Variants in COBLL1 observed in about 807,000 individuals in gnomAD.
The protein encoded by COBLL1 is cordon-bleu WH2 repeat protein like 1, also known as cordon-bleu protein-like 1.
A neutral mutation model predicts 94.8 loss-of-function variants in COBLL1; 50 were observed. The observed-to-expected ratio is 0.53, with a 90% CI of 0.42 to 0.67. The LOEUF (loss-of-function observed/expected upper bound fraction) is 0.67, where lower values mean the gene tolerates loss of function less well. Ranked by LOEUF, COBLL1 falls within the 30% of genes least tolerant of loss-of-function variation. The pLI, the probability that COBLL1 is intolerant of heterozygous loss-of-function variation, is 0.00. For missense variants in COBLL1, 1,362 were observed against 1,348.7 expected, an observed-to-expected ratio of 1.01 and a Z score of -0.15; for synonymous variants, 448 against 473.8, an observed-to-expected ratio of 0.95 and a Z score of 0.71.
At chr2:164,840,249 T>A (rs1215575936) in intron 2 of COBLL1, among the ~76,000 whole-genome samples, 1 of 151,548 alleles carries the variant, frequency 6.6e-6, no homozygotes, top group Non-Finnish European at 1.5e-5. Context: ...GCATTCAGAT[T>A]AACTAAGAAA....
At chr2:164,826,610 A>C (rs997592729) in intron 2 of COBLL1, among the ~76,000 whole-genome samples, 1 of 152,236 alleles carries the variant, frequency 6.6e-6, no homozygotes, top group African/African-American at 2.4e-5. Context: ...GCCTAAAGCC[A>C]GTAAGTGGCA....
At chr2:164,707,396 C>T (rs748277991) in intron 7 of COBLL1, among the ~76,000 whole-genome samples, 12 of 152,166 alleles carry the variant, frequency 7.9e-5, no homozygotes, top group Non-Finnish European at 1.3e-4. Flanking sequence ...CTGCCTTGGC[C>T]TCCCAAAGTG....
intron 2 of COBLL1, among the ~76,000 whole-genome samples, chr2:164,777,429 G>C (rs355885): frequency 6.6e-6 from 1 of 151,452 alleles, no homozygotes; most frequent in African/African-American, 2.4e-5. Context: ...TTTTCTTTGC[G>C]TACCTTCCTA....
Position 164,695,041 on chromosome 2 carries a change from G to A in COBLL1, c.2351C>T (p.Ala784Val). 6.2e-7 allele frequency: 1 copy of A among 1,613,848 alleles called. No homozygotes were observed. Among genetic ancestry groups the A allele is most frequent in the Non-Finnish European group, 8.5e-7 (1 of 1,179,940 alleles). ...TGGCTCTTCTGGGCTTTCAGAAATA[G>A]CAGAATCTTCTGTTTGGATGGCAGT... is the stretch of plus-strand genomic sequence containing the variant. ...KETAIQTEDS[A>V]ISESPEEPLP... Residue 784 changes from alanine to valine, a missense_variant, in exon 12 of 14, where the codon GCT (alanine) becomes GTT (valine). Ala to Val is a moderately conservative substitution (Grantham distance 64). Transcript: ENST00000652658.
chr2:164,756,265 A>G (rs1465807084), intron 2 of COBLL1, among the ~76,000 whole-genome samples: 2 of 152,042 alleles, frequency 1.3e-5, no homozygotes, highest in Non-Finnish European at 2.9e-5. Context: ...AAAACATATG[A>G]CTCCTAAAAA....
intron 2 of COBLL1, among the ~76,000 whole-genome samples, chr2:164,839,315 G>A (rs991289634): frequency 5.3e-5 from 8 of 152,150 alleles, no homozygotes; most frequent in African/African-American, 1.9e-4. Flanking sequence ...AAAAGTGGCT[G>A]GGCGCACTGG....
intron 3 of COBLL1, among the ~76,000 whole-genome samples, chr2:164,739,347 A>AGTGGTAT (rs1686478504): frequency 6.6e-6 from 1 of 152,152 alleles, no homozygotes; most frequent in South Asian, 2.1e-4. Context: ...TGAAGATACC[A>AGTGGTAT]CTGTGCACTC....
chr2:164,699,470 C>G lies in COBLL1; in HGVS notation c.1490G>C (p.Ser497Thr). Residue 497 changes from serine (S) to threonine (T), a missense_variant, in exon 11 of 14, where the codon AGC becomes ACC. Physicochemically the swap from Ser to Thr is moderately conservative, Grantham distance 58. Transcript: ENST00000652658. ...QEPHSVVYDT[S>T]NGKKVVDSIR... is the part of the protein sequence containing the mutation. ...ACTGTCAACTACCTTCTTTCCATTGCTTGTATCATATACTACACTGTGTGG... is the reference window on the plus strand; with the variant it reads ...ACTGTCAACTACCTTCTTTCCATTGGTTGTATCATATACTACACTGTGTGG... 1 of 1,611,886 alleles carries G rather than the reference C, an allele frequency of 6.2e-7. No individual in the cohort carries two copies.
chr2:164,778,899 G>A (rs1688601101), intron 2 of COBLL1, among the ~76,000 whole-genome samples: 1 of 152,090 alleles, frequency 6.6e-6, no homozygotes, highest in African/African-American at 2.4e-5. Context: ...GTTAACAAAA[G>A]GGGAGGGGGA....
chr2:164,723,262 G>A (rs1685545726), intron 5 of COBLL1: 1 of 152,112 alleles, frequency 6.6e-6, no homozygotes, highest in African/African-American at 2.4e-5. Flanking sequence ...TTAGTTAGAA[G>A]GGCAAATGTC....
intron 1 of COBLL1, among the ~76,000 whole-genome samples, chr2:164,673,443 G>A (rs1463028010): frequency 6.6e-6 from 1 of 152,194 alleles, no homozygotes; most frequent in Non-Finnish European, 1.5e-5. Flanking sequence ...GGGAGGCTGA[G>A]GCAGGCACAT....
chr2:164,743,599 A>C, intron 3 of COBLL1, 88 bp downstream of exon 3: 1 of 1,073,910 alleles, frequency 9.3e-7, no homozygotes, highest in Non-Finnish European at 1.4e-6. Context: ...TGTTTTGTCA[A>C]AGAACAAACA....
intron 2 of COBLL1, among the ~76,000 whole-genome samples, chr2:164,661,843 C>G (rs1483590715): frequency 6.6e-6 from 1 of 152,058 alleles, no homozygotes; most frequent in Admixed American, 6.6e-5. Context: ...TTGTGTTTTT[C>G]AACAAATAAG....
chr2:164,706,334 C>T (rs1409305974), intron 7 of COBLL1, among the ~76,000 whole-genome samples: 1 of 152,174 alleles, frequency 6.6e-6, no homozygotes, highest in Non-Finnish European at 1.5e-5. Context: ...ACTCAGTTTT[C>T]TGTGTCTGCT....
chr2:164,785,482 G>A (rs1688912975), intron 2 of COBLL1, among the ~76,000 whole-genome samples: 1 of 152,120 alleles, frequency 6.6e-6, no homozygotes, highest in South Asian at 2.1e-4. Flanking sequence ...ATGAATAGAA[G>A]TAGTCAAAGA....
At chr2:164,792,009 A>T (rs1683213017) in intron 2 of COBLL1, among the ~76,000 whole-genome samples, 1 of 152,080 alleles carries the variant, frequency 6.6e-6, no homozygotes, top group African/African-American at 2.4e-5. Flanking sequence ...TTAAATCCAC[A>T]GCCTCTTTTG....
chr2:164,750,236 GT>G (rs1687062440), intron 2 of COBLL1, among the ~76,000 whole-genome samples: 1 of 152,092 alleles, frequency 6.6e-6, no homozygotes. Context: ...TATCTCAAAT[GT>G]TCTATAACCA....
chr2:164,785,556 A>G (rs1178809385), intron 2 of COBLL1, among the ~76,000 whole-genome samples: 1 of 152,198 alleles, frequency 6.6e-6, no homozygotes, highest in East Asian at 1.9e-4. Context: ...AAAGCCCTTC[A>G]TGATGAGCCA....
At chr2:164,690,174 T>A (rs1030323373) in intron 13 of COBLL1, among the ~76,000 whole-genome samples, 1 of 152,104 alleles carries the variant, frequency 6.6e-6, no homozygotes, top group African/African-American at 2.4e-5. Context: ...ATAACAACAT[T>A]TTTAGGGTAC....
Sources: allele counts gnomAD v4.1 joint callset (sites outside exome capture counted in the v4.1 genomes callset), GRCh38; gene constraint gnomAD v4.1.1; transcripts MANE v1.5; gene names NCBI Gene and HGNC (gene_info 2026-07-23, HGNC 2026-07-21).